The following ZDHHC22 variants were observed in gnomAD, a reference collection of about 807,000 sequenced individuals.
ZDHHC22 encodes zDHHC palmitoyltransferase 22.
ZDHHC22 carries 13 observed loss-of-function variants against 17.0 expected under a neutral mutation model. The ratio of observed to expected loss-of-function variants is 0.76; its 90% confidence interval spans 0.50 to 1.21. The LOEUF is 1.21. Ranked by LOEUF, ZDHHC22 falls within the 50% of genes most tolerant of loss-of-function variation. The probability of loss-of-function intolerance (pLI) is 0.00; values close to 1 mark genes in which losing one functional copy is unlikely to be tolerated. For synonymous variants in ZDHHC22, 138 were observed against 154.7 expected, an observed-to-expected ratio of 0.89 and a Z score of 0.80; for missense variants, 319 against 342.3, an observed-to-expected ratio of 0.93 and a Z score of 0.54.
At position 77,139,480 on chromosome 14, in the gene ZDHHC22, T is replaced by G. The variant is rs1887202923; in HGVS notation, c.259A>C (p.Thr87Pro). 6.2e-7 allele frequency: 1 copy of G among 1,612,580 alleles called. No individual in the cohort carries two copies. Among genetic ancestry groups the G allele is most frequent in the South Asian group, 1.1e-5 (1 of 90,714 alleles). The change falls in exon 2 of 3, where the codon ACT (threonine) becomes CCT (proline). Residue 87 changes from threonine to proline, a missense_variant. Transcript: ENST00000319374. ...GACQGASARK[T>P]PCPSPSTHFC... ...TGGGTGCTAGGTGAGGGGCATGGAG[T>G]CTTCCTGGCCGAGGCCCCCTGGCAG... is the stretch of plus-strand genomic sequence containing the variant.
chr14:77,134,173 C>T lies in ZDHHC22; in HGVS notation c.527-225G>A, dbSNP rs144763238. 5.8e-3 allele frequency among the ~76,000 whole-genome samples: 880 copies of T among 152,338 alleles called. 5 individuals are homozygous for T. Among genetic ancestry groups the T allele is most frequent in the Admixed American group, 9.1e-3 (140 of 15,304 alleles). On this transcript the variant is annotated intron_variant, in intron 2 of 2. Coordinates refer to ENST00000319374, the MANE Select transcript of ZDHHC22 (RefSeq NM_174976.2). ...TGGCACCTGAGGCAAGAGGGGAAGA[C>T]TGGAGACATGGCAGAGAAGAGAGCT...
chr14:77,134,982 T>C (rs1292023425), intron 2 of ZDHHC22, among the ~76,000 whole-genome samples: 1 of 152,182 alleles, frequency 6.6e-6, no homozygotes, highest in Non-Finnish European at 1.5e-5. Flanking sequence ...GGAGACTACA[T>C]CCAAAATGAG....
Position 77,132,835 on chromosome 14 carries a change from C to CAA in ZDHHC22, c.*847_*848insTT. The CAA allele has an allele frequency of 6.6e-6, 1 of 151,582 alleles. No individual in the cohort carries two copies. Among genetic ancestry groups the CAA allele is most frequent in the East Asian group, 1.9e-4 (1 of 5,184 alleles). The allele number at this position is 151,582 out of a possible 1,614,324, so 9.4% of individuals were successfully genotyped here. On this transcript the variant is annotated 3_prime_UTR_variant, in exon 3 of 3. Coordinates refer to ENST00000319374, the MANE Select transcript of ZDHHC22 (RefSeq NM_174976.2). Reference sequence around the variant, plus strand: ...TCTCTCTCACACACACACACACACACACACACACACTTCCATATGGTTATA... The same window carrying CAA: ...TCTCTCTCACACACACACACACACACAAACACACACACTTCCATATGGTTATA...
rs1228996760 is a variant in ZDHHC22, at chr14:77,139,712, C to T, written c.27G>A (p.Val9=). The T allele has an allele frequency of 6.6e-7, 1 of 1,517,628 alleles. No homozygotes were observed. The highest frequency in any genetic ancestry group is 1.3e-5 in the South Asian group (1 of 76,338). 94.0% of individuals were successfully genotyped at this position (1,517,628 alleles called of 1,614,324 possible). The part of the protein sequence containing the change: MLALRLLN[V]VAPAYFLCIS... ...TGCACAAGAAGTAGGCGGGGGCCACCACGTTGAGCAGCCGCAGGGCCAGCA... is the reference window on the plus strand; with the variant it reads ...TGCACAAGAAGTAGGCGGGGGCCACTACGTTGAGCAGCCGCAGGGCCAGCA... Residue 9 remains valine (V), a synonymous_variant, in exon 2 of 3, where the codon GTG becomes GTA. Coordinates refer to ENST00000319374, the MANE Select transcript of ZDHHC22 (RefSeq NM_174976.2).
At chr14:77,135,932 G>A (rs1198111348) in intron 2 of ZDHHC22, among the ~76,000 whole-genome samples, 2 of 152,184 alleles carry the variant, frequency 1.3e-5, no homozygotes, top group East Asian at 3.8e-4. Context: ...AAGTTACCTA[G>A]CCTGGCTGCT....
rs1887072485 is a variant in ZDHHC22, at chr14:77,133,488, G to A, written c.*195C>T. The A allele has an allele frequency of 1.3e-6, 1 of 763,220 alleles. No homozygotes were observed. The highest frequency in any genetic ancestry group is 2.0e-6 in the Non-Finnish European group (1 of 510,566). 47.3% of individuals were successfully genotyped at this position (763,220 alleles called of 1,614,324 possible). ...GCTGGCTCGTGAGGAGCCTAGAAAT[G>A]CCTGGGGGGACATTTTTCCTCCTTG... On this transcript the variant is annotated 3_prime_UTR_variant, in exon 3 of 3. Coordinates refer to ENST00000319374, the MANE Select transcript of ZDHHC22 (RefSeq NM_174976.2).
intron 2 of ZDHHC22, among the ~76,000 whole-genome samples, chr14:77,137,326 C>A (rs1006781249): frequency 1.3e-5 from 2 of 152,182 alleles, no homozygotes; most frequent in Non-Finnish European, 1.5e-5. Flanking sequence ...CCAAGGTGGG[C>A]ACTCACTGGC....
At chr14:77,135,360 T>A (rs1291761789) in intron 2 of ZDHHC22, among the ~76,000 whole-genome samples, 2 of 152,194 alleles carry the variant, frequency 1.3e-5, no homozygotes, top group African/African-American at 4.8e-5. Flanking sequence ...TCAACACTTG[T>A]CCAGTATGAG....
At chr14:77,138,499 A>G (rs1887180214) in intron 2 of ZDHHC22, among the ~76,000 whole-genome samples, 1 of 152,164 alleles carries the variant, frequency 6.6e-6, no homozygotes, top group Non-Finnish European at 1.5e-5. Context: ...TAGAGGTTAC[A>G]GTAAGCAGAG....
intron 2 of ZDHHC22, among the ~76,000 whole-genome samples, chr14:77,137,354 T>C (rs554504575): frequency 6.6e-6 from 1 of 152,172 alleles, no homozygotes; most frequent in South Asian, 2.1e-4. Flanking sequence ...TCCCATCAGA[T>C]CAAACCTAGC....
intron 2 of ZDHHC22, 92 bp downstream of exon 2, chr14:77,139,120 TG>T: frequency 1.5e-6 from 2 of 1,375,628 alleles, no homozygotes; most frequent in Non-Finnish European, 2.0e-6. Flanking sequence ...TTGCTAAATC[TG>T]GCAACTTTTG....
In ZDHHC22 at chr14:77,140,330, C is replaced by A. The variant is rs1418550733; in HGVS notation, c.-14-578G>T. On this transcript the variant is annotated intron_variant, in intron 1 of 2. Transcript: ENST00000319374. This position sits in a 1 kb window ranked among gnomAD's most constrained non-coding sequence, Gnocchi z 5.9. ...CCAAGGCTCTTTGGAGGTATGTGTG[C>A]GTGAGGGACCACGATGTGTGTGTGT... 6.6e-6 allele frequency among the ~76,000 whole-genome samples: 1 copy of A among 152,010 alleles called. No individual in the cohort carries two copies. The highest frequency in any genetic ancestry group is 1.5e-5 in the Non-Finnish European group (1 of 68,028).
Position 77,133,041 on chromosome 14 carries a change from T to C in ZDHHC22, c.*642A>G, listed in dbSNP as rs752703. 138,790 of 152,192 alleles carry C rather than the reference T, an allele frequency of 0.91. 64,081 individuals are homozygous for C. Among genetic ancestry groups the C allele is most frequent in the Non-Finnish European group, 0.99 (67,306 of 68,200 alleles). The allele number at this position is 152,192 out of a possible 1,614,324, so 9.4% of individuals were successfully genotyped here. A position where few individuals can be genotyped will look rare whatever the true frequency, so the allele number is the denominator to read the frequency against. On this transcript the variant is annotated 3_prime_UTR_variant, in exon 3 of 3. Transcript: ENST00000319374. ...GCTGGGCCGGCCAGATGGGGCAGGG[T>C]GGACAGGGAATAACATTTGGAAAAA...
chr14:77,135,661 A>C (rs949252101), intron 2 of ZDHHC22, among the ~76,000 whole-genome samples: 1 of 152,144 alleles, frequency 6.6e-6, no homozygotes, highest in Non-Finnish European at 1.5e-5. Flanking sequence ...TCCCAGGTCC[A>C]TGGTGCTCTT....
chr14:77,134,905 C>T (rs1887106023), intron 2 of ZDHHC22, among the ~76,000 whole-genome samples: 1 of 152,214 alleles, frequency 6.6e-6, no homozygotes, highest in Non-Finnish European at 1.5e-5. Context: ...AAATGATGTA[C>T]AGAGTGGTCA....
At position 77,139,636 on chromosome 14, in the gene ZDHHC22, G is replaced by A. The variant is rs1887210834; in HGVS notation, c.103C>T (p.Arg35Cys). The change falls in exon 2 of 3, where the codon CGC becomes TGC. Residue 35 changes from arginine to cysteine, a missense_variant. Physicochemically the swap from Arg to Cys is radical, Grantham distance 180 (BLOSUM62 -3). Transcript: ENST00000319374. The stretch of plus-strand genomic sequence containing the variant: ...AGCCGGGCGGCCGCGGGGTCCTCGC[G>A]CATGCTGGGCAGGAAGAGGAAGAGC... Reference protein sequence around the residue: ...LQLFLFLPSMREDPAAARLFS... With the variant: ...LQLFLFLPSMCEDPAAARLFS... 4 of 1,577,058 alleles carry A rather than the reference G, an allele frequency of 2.5e-6. No homozygotes were observed. Among genetic ancestry groups the A allele is most frequent in the Non-Finnish European group, 3.4e-6 (4 of 1,161,464 alleles).
Position 77,133,532 on chromosome 14 carries a change from C to T in ZDHHC22, c.*151G>A, listed in dbSNP as rs556867757. The T allele has an allele frequency of 5.3e-5, 58 of 1,092,632 alleles. No individual in the cohort carries two copies. In the African/African-American group the frequency reaches 7.1e-4, roughly 13 times the overall value. The allele number at this position is 1,092,632 out of a possible 1,614,324, so 67.7% of individuals were successfully genotyped here. On this transcript the variant is annotated 3_prime_UTR_variant, in exon 3 of 3. Coordinates refer to ENST00000319374, the MANE Select transcript of ZDHHC22 (RefSeq NM_174976.2). ...CTCCTTGTCATGATCCACCAGCTCA[C>T]GCTGTTCTCATGGGTGGAAGGTGAG...
In ZDHHC22 at chr14:77,140,356, G is replaced by C. The variant is rs1216059764; in HGVS notation, c.-14-604C>G. ...GTGAGGGACCACGATGTGTGTGTGT[G>C]TGTCCTTGTCTGTGACTCTGTACGT... is the stretch of plus-strand genomic sequence containing the variant. On this transcript the variant is annotated intron_variant, in intron 1 of 2. Coordinates refer to ENST00000319374, the MANE Select transcript of ZDHHC22 (RefSeq NM_174976.2). The surrounding 1 kb of genome is among the most constrained non-coding windows in gnomAD (Gnocchi z 5.9). 6.6e-6 allele frequency among the ~76,000 whole-genome samples: 1 copy of C among 152,154 alleles called. No homozygotes were observed. Among genetic ancestry groups the C allele is most frequent in the African/African-American group, 2.4e-5 (1 of 41,420 alleles).
rs887986966 is a variant in ZDHHC22 at position 77,131,434 on chromosome 14, C to T, written c.*2249G>A. ...TGTAGGTCTCCCTGTTGCCCTTCCC[C>T]AGGATGTCAGGCCTCACCGTGCTGA... On this transcript the variant is annotated 3_prime_UTR_variant, in exon 3 of 3. Coordinates refer to ENST00000319374, the MANE Select transcript of ZDHHC22 (RefSeq NM_174976.2). 4 of 152,218 alleles carry T rather than the reference C, an allele frequency of 2.6e-5. No homozygotes were observed. The highest frequency in any genetic ancestry group is 5.9e-5 in the Non-Finnish European group (4 of 68,054). The allele number at this position is 152,218 out of a possible 1,614,324, so 9.4% of individuals were successfully genotyped here. A position where few individuals can be genotyped will look rare whatever the true frequency, so the allele number is the denominator to read the frequency against.
Sources: allele counts gnomAD v4.1 joint callset (sites outside exome capture counted in the v4.1 genomes callset), GRCh38; gene constraint gnomAD v4.1.1; non-coding constraint Gnocchi (gnomAD v3.1); transcripts MANE v1.5; gene names NCBI Gene and HGNC (gene_info 2026-07-23, HGNC 2026-07-21).